The following GPC5 variants were observed in gnomAD, a reference collection of about 807,000 sequenced individuals.
The protein encoded by GPC5 is glypican-5.
Under a neutral mutation model 53.9 loss-of-function variants are expected in GPC5, and 47 were observed. The observed-to-expected ratio is 0.87, with a 90% CI of 0.69 to 1.11. The LOEUF (loss-of-function observed/expected upper bound fraction) is 1.11. Ranked by LOEUF, GPC5 falls within the 50% of genes most tolerant of loss-of-function variation. The pLI, the probability that GPC5 is intolerant of heterozygous loss-of-function variation, is 0.00. For synonymous variants in GPC5, 286 were observed against 263.3 expected (o/e 1.09, Z -0.84); for missense variants, 748 against 713.1 (o/e 1.05, Z -0.56).
intron 7 of GPC5, among the ~76,000 whole-genome samples, chr13:92,725,159 T>C (rs1346428495): frequency 6.6e-6 from 1 of 151,590 alleles, no homozygotes; most frequent in African/African-American, 2.4e-5. Flanking sequence ...TATATCTTCT[T>C]TGGCTCTGAG....
chr13:92,291,003 C>T (rs1036048665), intron 7 of GPC5, among the ~76,000 whole-genome samples: 22 of 152,162 alleles, frequency 1.4e-4, no homozygotes, highest in Admixed American at 1.1e-3. Context: ...GCCCCGCTGG[C>T]CCCAGGTAGT....
chr13:91,930,161 A>T (rs2039808143), intron 6 of GPC5, among the ~76,000 whole-genome samples: 1 of 152,078 alleles, frequency 6.6e-6, no homozygotes, highest in African/African-American at 2.4e-5. Flanking sequence ...TTCTAAATGG[A>T]TAGAACGACC....
Position 91,693,232 on chromosome 13 carries a change from T to C in GPC5, c.371T>C (p.Ile124Thr), listed in dbSNP as rs780116268. The change falls in exon 3 of 8, where the codon ATA becomes ACA. Residue 124 changes from isoleucine (I) to threonine (T), a missense_variant. Physicochemically the swap from Ile to Thr is moderately conservative, Grantham distance 89. Coordinates refer to ENST00000377067, the MANE Select transcript of GPC5 (RefSeq NM_004466.6). The part of the protein sequence containing the change: ...LIKQAENYTS[I>T]LFCSTYRNMA... ...AAACAAGCAGAAAATTACACCAGTATACTTTTTTGCAGTACCTACAGGAAC... is the reference window on the plus strand; with the variant it reads ...AAACAAGCAGAAAATTACACCAGTACACTTTTTTGCAGTACCTACAGGAAC... 2 of 1,614,060 alleles carry C rather than the reference T, an allele frequency of 1.2e-6. No individual in the cohort carries two copies. The highest frequency in any genetic ancestry group is 1.3e-5 in the African/African-American group (1 of 75,034).
At chr13:92,351,931 C>T (rs561343393) in intron 7 of GPC5, among the ~76,000 whole-genome samples, 6 of 152,020 alleles carry the variant, frequency 3.9e-5, no homozygotes, top group African/African-American at 1.4e-4. Context: ...ATCAAAATTC[C>T]GAAGTAATTA....
chr13:91,912,453 C>T (rs2039618390), intron 6 of GPC5, among the ~76,000 whole-genome samples: 1 of 152,076 alleles, frequency 6.6e-6, no homozygotes, highest in South Asian at 2.1e-4. Context: ...AATATTGATA[C>T]CATTTATAAA....
intron 6 of GPC5, among the ~76,000 whole-genome samples, chr13:92,005,802 T>C (rs1033493028): frequency 6.6e-6 from 1 of 152,192 alleles, no homozygotes; most frequent in African/African-American, 2.4e-5. Flanking sequence ...TTCCATTGAA[T>C]GAATGAATGG....
chr13:91,651,207 G>A (rs1044768970), intron 2 of GPC5, among the ~76,000 whole-genome samples: 4 of 150,656 alleles, frequency 2.7e-5, no homozygotes, highest in African/African-American at 9.9e-5. Context: ...TGGTCAAAGA[G>A]CAATTCATCT....
At chr13:92,570,951 G>A (rs1006747206) in intron 7 of GPC5, among the ~76,000 whole-genome samples, 7 of 152,092 alleles carry the variant, frequency 4.6e-5, no homozygotes, top group Non-Finnish European at 2.9e-5. Context: ...CATAGCTGGC[G>A]AGTGACTGCT....
chr13:91,547,272 T>A (rs1272435992), intron 2 of GPC5, among the ~76,000 whole-genome samples: 1 of 151,992 alleles, frequency 6.6e-6, no homozygotes, highest in African/African-American at 2.4e-5. Context: ...TGTATTACTG[T>A]CTAAGAGAAA....
rs563096360 is a variant in GPC5, at chr13:92,666,985, A to G, written c.1562-199297A>G. Among the ~76,000 whole-genome samples the G allele has an allele frequency of 1.2e-3, 182 of 152,276 alleles. 1 individual carries two copies. Among genetic ancestry groups the G allele is most frequent in the African/African-American group, 4.3e-3 (178 of 41,552 alleles). On this transcript the variant is annotated intron_variant, in intron 7 of 7. Coordinates refer to ENST00000377067, the MANE Select transcript of GPC5 (RefSeq NM_004466.6). ...TTAACTGAAAATAGGGAAAAATGCC[A>G]CCCTATACTGAAGCATTTCAACAGA...
At position 91,694,390 on chromosome 13, in the gene GPC5, C is replaced by T. The variant is rs147548914; in HGVS notation, c.1020+509C>T. ...CAGTTATATATCCCTGAAGTTAAGACTTGATAGCTTAGTGTTCAAAAGAGT... is the reference window on the plus strand; with the variant it reads ...CAGTTATATATCCCTGAAGTTAAGATTTGATAGCTTAGTGTTCAAAAGAGT... On this transcript the variant is annotated intron_variant, in intron 3 of 7. Coordinates refer to ENST00000377067, the MANE Select transcript of GPC5 (RefSeq NM_004466.6). Among the ~76,000 whole-genome samples the T allele has an allele frequency of 3.3e-3, 507 of 152,278 alleles. 6 individuals are homozygous for T. The highest frequency in any genetic ancestry group is 0.012 in the African/African-American group (488 of 41,564).
chr13:92,453,550 T>C (rs1878148963), intron 7 of GPC5, among the ~76,000 whole-genome samples: 1 of 152,216 alleles, frequency 6.6e-6, no homozygotes, highest in Non-Finnish European at 1.5e-5. Flanking sequence ...ATTTCAAGTT[T>C]CTATAATTTC....
chr13:92,671,402 A>G (rs918247047), intron 7 of GPC5, among the ~76,000 whole-genome samples: 2 of 152,200 alleles, frequency 1.3e-5, no homozygotes, highest in African/African-American at 2.4e-5. Context: ...TTCAATTACA[A>G]TGAAACCATC....
At chr13:92,779,074 G>A (rs890229844) in intron 7 of GPC5, among the ~76,000 whole-genome samples, 3 of 151,796 alleles carry the variant, frequency 2.0e-5, no homozygotes, top group African/African-American at 7.3e-5. Context: ...CCTGAGACTG[G>A]GCAAAGAGAC....
At chr13:92,515,521 A>G (rs1393449668) in intron 7 of GPC5, among the ~76,000 whole-genome samples, 2 of 152,226 alleles carry the variant, frequency 1.3e-5, no homozygotes, top group African/African-American at 2.4e-5. Flanking sequence ...TGACCTATGT[A>G]CATACAACTG....
intron 2 of GPC5, among the ~76,000 whole-genome samples, chr13:91,659,018 T>C (rs1333729948): frequency 1.3e-5 from 2 of 152,172 alleles, no homozygotes; most frequent in African/African-American, 2.4e-5. Context: ...GTAATCTGTG[T>C]TTTTTATTTT....
Position 92,154,970 on chromosome 13 carries a change from T to G in GPC5, c.1561+9981T>G, listed in dbSNP as rs140499662. Reference sequence around the variant, plus strand: ...CTAAAATTAGCTAAACATTTTTGTATGTATTGTCTATTTTCTCTCCCCATT... The same window carrying G: ...CTAAAATTAGCTAAACATTTTTGTAGGTATTGTCTATTTTCTCTCCCCATT... On this transcript the variant is annotated intron_variant, in intron 7 of 7. Transcript: ENST00000377067. 2.3e-3 allele frequency among the ~76,000 whole-genome samples: 351 copies of G among 152,334 alleles called. 3 individuals carry two copies. Among genetic ancestry groups the G allele is most frequent in the African/African-American group, 8.1e-3 (335 of 41,590 alleles).
At chr13:92,555,164 CTG>C (rs771508849) in intron 7 of GPC5, among the ~76,000 whole-genome samples, 6 of 151,102 alleles carry the variant, frequency 4.0e-5, no homozygotes, top group Non-Finnish European at 8.9e-5. Context: ...CCCAGTAAAA[CTG>C]TAAGAAGATA....
intron 7 of GPC5, among the ~76,000 whole-genome samples, chr13:92,320,547 G>A (rs1414570224): frequency 6.6e-6 from 1 of 151,982 alleles, no homozygotes; most frequent in Admixed American, 6.6e-5. Flanking sequence ...CATTCCTTTA[G>A]TACACAGTGT....
Sources: allele counts gnomAD v4.1 joint callset (sites outside exome capture counted in the v4.1 genomes callset), GRCh38; gene constraint gnomAD v4.1.1; transcripts MANE v1.5; gene names NCBI Gene and HGNC (gene_info 2026-07-23, HGNC 2026-07-21).